Variants in DUSP22 observed in about 807,000 individuals in gnomAD.
The protein encoded by DUSP22 is dual specificity phosphatase 22.
In DUSP22, 24 loss-of-function variants were observed where a neutral mutation model predicts 24.5. The ratio of observed to expected loss-of-function variants is 0.98; its 90% CI spans 0.71 to 1.38. The LOEUF is 1.38. Ranked by LOEUF, DUSP22 falls within the 40% of genes most tolerant of loss-of-function variation. DUSP22 has a pLI of 0.00. For synonymous variants in DUSP22, 160 were observed against 106.4 expected, an observed-to-expected ratio of 1.50 and a Z score of -3.10; for missense variants, 330 against 269.2, an observed-to-expected ratio of 1.23 and a Z score of -1.58.
At chr6:306,657 C>T (rs1757824765) in intron 2 of DUSP22, among the ~76,000 whole-genome samples, 2 of 152,310 alleles carry the variant, frequency 1.3e-5, no homozygotes, top group African/African-American at 4.8e-5. Flanking sequence ...AATGAGAGTA[C>T]AGTGAATTGG....
chr6:295,247 A>T (rs898808751), intron 1 of DUSP22, among the ~76,000 whole-genome samples: 2 of 152,278 alleles, frequency 1.3e-5, no homozygotes, highest in African/African-American at 4.8e-5. Flanking sequence ...TCTCGTACAC[A>T]TTGGTCATTT....
intron 2 of DUSP22, among the ~76,000 whole-genome samples, chr6:308,881 G>A (rs1301690834): frequency 6.6e-6 from 1 of 152,306 alleles, no homozygotes. Flanking sequence ...GGTGTCTGGA[G>A]GAGCCAGGTG....
In DUSP22 at chr6:351,000, A is replaced by G. The variant is rs1325022589; in HGVS notation, c.*2049A>G. 7.8e-7 allele frequency: 1 copy of G among 1,283,270 alleles called. No individual in the cohort carries two copies. The highest frequency in any genetic ancestry group is 1.9e-5 in the Admixed American group (1 of 51,800). The allele number at this position is 1,283,270 out of a possible 1,614,324, so 79.5% of individuals were successfully genotyped here. On this transcript the variant is annotated 3_prime_UTR_variant, in exon 7 of 7. Transcript: ENST00000419235. ...GTTTTTCATTTGAAGCTGAATATAT[A>G]CGTAGTCATGTTTATGTTGAGAACT...
chr6:328,163 C>A (rs1432148745), intron 3 of DUSP22, among the ~76,000 whole-genome samples: 1 of 152,304 alleles, frequency 6.6e-6, no homozygotes, highest in Non-Finnish European at 1.5e-5. Flanking sequence ...TCAGGCTTCA[C>A]CTTCATTAAG....
intron 4 of DUSP22, among the ~76,000 whole-genome samples, chr6:336,363 C>T (rs1443936552): frequency 6.6e-6 from 1 of 152,288 alleles, no homozygotes; most frequent in Non-Finnish European, 1.5e-5. Context: ...CCCTTTTATG[C>T]CCCAAGCACT....
At chr6:301,644 T>TCCTCCCTTCTCA (rs1757585893) in intron 1 of DUSP22, among the ~76,000 whole-genome samples, 1 of 152,290 alleles carries the variant, frequency 6.6e-6, no homozygotes, top group Non-Finnish European at 1.5e-5. Flanking sequence ...GGAGGGAGAC[T>TCCTCCCTTCTCA]GTGAGAGGCC....
At chr6:293,464 C>T (rs1480533924) in intron 1 of DUSP22, among the ~76,000 whole-genome samples, 2 of 152,296 alleles carry the variant, frequency 1.3e-5, no homozygotes, top group Admixed American at 6.5e-5. Flanking sequence ...TTTGAATGGT[C>T]CTGGATTAGA....
rs1478789351 is a variant in DUSP22 at position 348,510 on chromosome 6, G to A, written c.435+236G>A. On this transcript the variant is annotated intron_variant, in intron 6 of 6. Coordinates refer to ENST00000419235, the MANE Select transcript of DUSP22 (RefSeq NM_001286555.3). ...TCCTTGTGCCTGGTACTCCCTACTA[G>A]TTTGTTTCTCTCCCTTTGGGTGACG... The A allele has an allele frequency of 1.2e-5, 10 of 859,318 alleles. No individual in the cohort carries two copies. The Admixed American group carries it at 2.6e-4, about 23-fold the overall frequency. 53.2% of individuals were successfully genotyped at this position (859,318 alleles called of 1,614,324 possible). A position where few individuals can be genotyped will look rare whatever the true frequency, so the allele number is the denominator to read the frequency against.
Position 322,054 on chromosome 6 carries a change from G to A in DUSP22, c.138+10092G>A, listed in dbSNP as rs562619262. Among the ~76,000 whole-genome samples the A allele has an allele frequency of 1.5e-4, 23 of 152,416 alleles. No individual in the cohort carries two copies. The East Asian group carries it at 2.9e-3, about 19-fold the overall frequency. ...GATTTGGGCATCACAGTATCACAGT[G>A]TATCTACATAGTGTATGCATATCAT... On this transcript the variant is annotated intron_variant, in intron 3 of 6. Transcript: ENST00000419235.
At chr6:316,615 G>C (rs2127400926) in intron 3 of DUSP22, among the ~76,000 whole-genome samples, 1 of 152,408 alleles carries the variant, frequency 6.6e-6, no homozygotes, top group Non-Finnish European at 1.5e-5. Flanking sequence ...CTAATATTGA[G>C]CAATGAAAGG....
intron 3 of DUSP22, among the ~76,000 whole-genome samples, chr6:334,485 G>A (rs1759276803): frequency 1.3e-5 from 2 of 152,256 alleles, no homozygotes; most frequent in African/African-American, 4.8e-5. Flanking sequence ...TTATAGAGGA[G>A]TATATGAAGT....
At chr6:317,206 G>T (rs561714563) in intron 3 of DUSP22, among the ~76,000 whole-genome samples, 1 of 152,420 alleles carries the variant, frequency 6.6e-6, no homozygotes, top group South Asian at 2.1e-4. Flanking sequence ...AAGGTGAGAC[G>T]CCCAGTCTGC....
intron 2 of DUSP22, among the ~76,000 whole-genome samples, chr6:310,893 G>A (rs1039899219): frequency 6.6e-6 from 1 of 152,302 alleles, no homozygotes; most frequent in Non-Finnish European, 1.5e-5. Flanking sequence ...ATTAATCTAA[G>A]TGCATTTCAA....
At position 294,346 on chromosome 6, in the gene DUSP22, A is replaced by C. The variant is rs372992558; in HGVS notation, c.21+1786A>C. ...CATACTATGAGCCAGGTGTTGTGCT[A>C]GTGGGTGGGGAGGGGGCAAAGGGAG... is the stretch of plus-strand genomic sequence containing the variant. On this transcript the variant is annotated intron_variant, in intron 1 of 6. Coordinates refer to ENST00000419235, the MANE Select transcript of DUSP22 (RefSeq NM_001286555.3). Among the ~76,000 whole-genome samples, 743 of 75,438 alleles carry C rather than the reference A, an allele frequency of 9.8e-3. 1 individual carries two copies. The highest frequency in any genetic ancestry group is 0.023 in the African/African-American group (699 of 30,162). 49.5% of individuals were successfully genotyped at this position (75,438 alleles called of 152,430 possible). A position where few individuals can be genotyped will look rare whatever the true frequency, so the allele number is the denominator to read the frequency against.
intron 3 of DUSP22, among the ~76,000 whole-genome samples, chr6:333,886 A>G (rs1759248700): frequency 6.6e-6 from 1 of 152,308 alleles, no homozygotes; most frequent in African/African-American, 2.4e-5. Flanking sequence ...TGGGACATGA[A>G]GTGTGTCTGG....
intron 4 of DUSP22, chr6:337,867 A>G (rs1303781028): frequency 1.3e-5 from 2 of 152,502 alleles, no homozygotes; most frequent in Non-Finnish European, 2.9e-5. Context: ...CTTTGGCTGG[A>G]TGACTGGCTC....
intron 5 of DUSP22, among the ~76,000 whole-genome samples, chr6:347,022 A>G (rs1759916244): frequency 6.6e-6 from 1 of 152,306 alleles, no homozygotes; most frequent in Non-Finnish European, 1.5e-5. Context: ...TTTTTTAAAG[A>G]GTAGAAAGTG....
intron 3 of DUSP22, among the ~76,000 whole-genome samples, chr6:333,300 G>C (rs1357257263): frequency 1.3e-5 from 2 of 152,306 alleles, no homozygotes; most frequent in African/African-American, 4.8e-5. Flanking sequence ...CATGGTTGAA[G>C]CCCATTTGGT....
At chr6:318,504 A>G (rs535278431) in intron 3 of DUSP22, among the ~76,000 whole-genome samples, 3 of 152,410 alleles carry the variant, frequency 2.0e-5, no homozygotes, top group African/African-American at 7.2e-5. Flanking sequence ...CCTTTTCCCT[A>G]GGTGACCACA....
Sources: gnomAD v4.1 joint callset for allele counts (sites outside exome capture counted in the v4.1 genomes callset) on GRCh38, gnomAD v4.1.1 for gene constraint, MANE v1.5 for transcripts, NCBI Gene and HGNC (gene_info 2026-07-23, HGNC 2026-07-21) for gene names.